Variants in SHB observed in about 807,000 individuals in gnomAD.
The protein encoded by SHB is SH2 domain containing adaptor protein B, also known as SH2 domain-containing adapter protein B.
Under a neutral mutation model 52.3 loss-of-function variants are expected in SHB, and 20 were observed. The observed-to-expected ratio is 0.38, with a 90% CI of 0.27 to 0.56. SHB has a LOEUF of 0.56. SHB is among the 20% of genes least tolerant of loss of function. SHB has a pLI of 0.71. For synonymous variants in SHB, 397 were observed against 316.5 expected, an observed-to-expected ratio of 1.25 and a Z score of -2.70; for missense variants, 825 against 723.3, an observed-to-expected ratio of 1.14 and a Z score of -1.61.
rs561864920 is a variant in SHB, at chr9:38,030,170, C to T, written c.718-14039G>A. On this transcript the variant is annotated intron_variant, in intron 1 of 5. Coordinates refer to ENST00000377707, the MANE Select transcript of SHB (RefSeq NM_003028.3). ...GACCCAGCTATCACACCAGCTGCTG[C>T]TCCCAGTCAGAGAGCAACTGCCCAC... Among the ~76,000 whole-genome samples the T allele has an allele frequency of 2.6e-5, 4 of 152,334 alleles. No individual in the cohort carries two copies. The East Asian group carries it at 7.7e-4, about 29-fold the overall frequency.
intron 5 of SHB, among the ~76,000 whole-genome samples, chr9:37,932,421 G>C (rs983539084): frequency 6.6e-6 from 1 of 151,894 alleles, no homozygotes; most frequent in African/African-American, 2.4e-5. Flanking sequence ...GGGAGATGTA[G>C]GTCAGAGGGT....
intron 5 of SHB, among the ~76,000 whole-genome samples, chr9:37,939,016 C>G (rs909287797): frequency 6.6e-6 from 1 of 152,194 alleles, no homozygotes; most frequent in African/African-American, 2.4e-5. Flanking sequence ...GTCCTTGACT[C>G]CTCACTCCTC....
chr9:37,943,258 C>G (rs1832454889), intron 5 of SHB, among the ~76,000 whole-genome samples: 1 of 152,186 alleles, frequency 6.6e-6, no homozygotes, highest in African/African-American at 2.4e-5. Context: ...TTCCCTCTTT[C>G]ATAGCCTGGA....
chr9:37,925,813 C>T (rs1832244290), intron 5 of SHB, among the ~76,000 whole-genome samples: 1 of 152,156 alleles, frequency 6.6e-6, no homozygotes, highest in African/African-American at 2.4e-5. Context: ...ATTCCTGGGC[C>T]AGGTTGTTGG....
chr9:37,953,715 A>C (rs960753644), intron 4 of SHB, among the ~76,000 whole-genome samples: 1 of 152,150 alleles, frequency 6.6e-6, no homozygotes, highest in African/African-American at 2.4e-5. Flanking sequence ...GGAGAGGTTC[A>C]GACTGGAAGG....
At chr9:37,982,031 G>A (rs561632923) in intron 2 of SHB, among the ~76,000 whole-genome samples, 1 of 151,882 alleles carries the variant, frequency 6.6e-6, no homozygotes, top group South Asian at 2.1e-4. Flanking sequence ...ATGAGCACAC[G>A]CTGTTGGAAA....
chr9:37,921,189 T>A (rs1015515693), intron 5 of SHB, among the ~76,000 whole-genome samples: 4 of 152,186 alleles, frequency 2.6e-5, no homozygotes, highest in Non-Finnish European at 5.9e-5. Flanking sequence ...TGTCTGTCCC[T>A]TAGGTAGAAA....
intron 4 of SHB, among the ~76,000 whole-genome samples, chr9:37,955,334 G>A (rs980624876): frequency 6.6e-6 from 1 of 152,166 alleles, no homozygotes; most frequent in Non-Finnish European, 1.5e-5. Context: ...GAAGCTAGGA[G>A]GTATGTGTTC....
chr9:37,947,751 A>G (rs1832510314), intron 5 of SHB, among the ~76,000 whole-genome samples: 1 of 152,184 alleles, frequency 6.6e-6, no homozygotes, highest in Non-Finnish European at 1.5e-5. Flanking sequence ...GTGTCCCTGC[A>G]GGCCGGCTCT....
At chr9:37,938,356 G>A (rs1302876297) in intron 5 of SHB, among the ~76,000 whole-genome samples, 2 of 152,238 alleles carry the variant, frequency 1.3e-5, no homozygotes, top group Non-Finnish European at 2.9e-5. Context: ...TGTGACGTCT[G>A]CAGCTGTCCT....
intron 3 of SHB, among the ~76,000 whole-genome samples, chr9:37,965,745 T>G (rs1455795857): frequency 2.0e-5 from 3 of 151,972 alleles, no homozygotes; most frequent in Non-Finnish European, 4.4e-5. Context: ...CCAGCTAATT[T>G]TGTATTTTGG....
At chr9:37,946,011 G>C (rs1832486733) in intron 5 of SHB, among the ~76,000 whole-genome samples, 1 of 152,144 alleles carries the variant, frequency 6.6e-6, no homozygotes, top group South Asian at 2.1e-4. Flanking sequence ...CTGACCCCAG[G>C]AAACAGGGGC....
At chr9:37,992,401 CA>C (rs1011525617) in intron 2 of SHB, among the ~76,000 whole-genome samples, 6 of 151,738 alleles carry the variant, frequency 4.0e-5, no homozygotes, top group Non-Finnish European at 8.8e-5. Context: ...AATTCCATCT[CA>C]AAAAAATAAA....
intron 1 of SHB, among the ~76,000 whole-genome samples, chr9:38,046,158 CG>C (rs1821649893): frequency 6.6e-6 from 1 of 150,934 alleles, no homozygotes; most frequent in Non-Finnish European, 1.5e-5. Context: ...AACCGGGAGG[CG>C]GAAGTTGCAG....
chr9:37,954,427 T>G (rs11789473), intron 4 of SHB, among the ~76,000 whole-genome samples: 11,086 of 151,628 alleles, frequency 0.073, 473 homozygotes, highest in South Asian at 0.11. Flanking sequence ...TGTGGCCTCA[T>G]GTGTGCCTAC....
In SHB at chr9:38,057,018, A is replaced by G. The variant is rs142268782; in HGVS notation, c.717+10911T>C. Among the ~76,000 whole-genome samples, 232 of 152,376 alleles carry G rather than the reference A, an allele frequency of 1.5e-3. 5 individuals carry two copies. The East Asian group carries it at 0.036, about 24-fold the overall frequency. ...AGGTGTCAACTTGTAAGGTCTTTCT[A>G]GAACACAATTTGAAAGTATGTATCA... On this transcript the variant is annotated intron_variant, in intron 1 of 5. Transcript: ENST00000377707.
intron 1 of SHB, among the ~76,000 whole-genome samples, chr9:38,026,763 G>A (rs559825697): frequency 7.9e-5 from 12 of 152,320 alleles, no homozygotes; most frequent in East Asian, 1.9e-4. Flanking sequence ...TGTACTCGGC[G>A]CTTTCTAATG....
chr9:37,998,663 G>C (rs1049696672), intron 2 of SHB, among the ~76,000 whole-genome samples: 4 of 152,188 alleles, frequency 2.6e-5, no homozygotes, highest in African/African-American at 9.7e-5. Flanking sequence ...ATGTTGCCTA[G>C]GTTAGCCTCA....
At chr9:37,968,523 T>C (rs1820556739) in intron 3 of SHB, among the ~76,000 whole-genome samples, 1 of 152,234 alleles carries the variant, frequency 6.6e-6, no homozygotes, top group Non-Finnish European at 1.5e-5. Context: ...TTGAGTCATG[T>C]GTCTTTTATC....
Sources: allele counts gnomAD v4.1 joint callset (sites outside exome capture counted in the v4.1 genomes callset), GRCh38; gene constraint gnomAD v4.1.1; transcripts MANE v1.5; gene names NCBI Gene and HGNC (gene_info 2026-07-23, HGNC 2026-07-21).